Variants in GSE1 observed in about 807,000 individuals in gnomAD.
The protein encoded by GSE1 is genetic suppressor element 1.
A neutral mutation model predicts 112.6 loss-of-function variants in GSE1; 32 were observed. The observed-to-expected ratio is 0.28, with a 90% CI of 0.21 to 0.38. The LOEUF is 0.38. Ranked by LOEUF, GSE1 falls within the 10% of genes least tolerant of loss-of-function variation. The pLI, the probability that GSE1 is intolerant of heterozygous loss-of-function variation, is 1.00. For missense variants in GSE1, 2,348 were observed against 1,699.2 expected, an observed-to-expected ratio of 1.38 and a Z score of -6.71; for synonymous variants, 1,115 against 735.6, an observed-to-expected ratio of 1.52 and a Z score of -8.35.
At chr16:85,551,414 C>T (rs184401535), upstream of GSE1, among the ~76,000 whole-genome samples, 119 of 152,292 alleles carry the variant, frequency 7.8e-4, 1 homozygote, top group Non-Finnish European at 1.4e-3. Context: ...TGCAGCTCCC[C>T]TGGGAATGAA....
chr16:85,221,056 C>T (rs908760469), intron 1 of GSE1, among the ~76,000 whole-genome samples: 1 of 151,906 alleles, frequency 6.6e-6, no homozygotes, highest in Non-Finnish European at 1.5e-5. Context: ...CTCCGAGACC[C>T]TGCGGCTGGG....
At chr16:85,196,361 G>A (rs534297285) in intron 1 of GSE1, among the ~76,000 whole-genome samples, 5 of 152,280 alleles carry the variant, frequency 3.3e-5, no homozygotes, top group African/African-American at 1.2e-4. Context: ...AACTTGGAGG[G>A]GACCTGCATC....
intron 1 of GSE1, among the ~76,000 whole-genome samples, chr16:85,225,413 G>A (rs758121859): frequency 3.3e-5 from 5 of 152,212 alleles, no homozygotes; most frequent in Non-Finnish European, 7.3e-5. Flanking sequence ...GGAAGAGCAG[G>A]AGGCCAGCAG....
At chr16:85,575,061 G>A (rs963756751) in intron 1 of GSE1, among the ~76,000 whole-genome samples, 5 of 67,996 alleles carry the variant, frequency 7.4e-5, no homozygotes, top group Non-Finnish European at 1.1e-4. Context: ...CCCGCCCCCC[G>A]GCTTTTTACG....
At chr16:85,650,135 G>A (rs944800304) in intron 3 of GSE1, among the ~76,000 whole-genome samples, 1 of 152,188 alleles carries the variant, frequency 6.6e-6, no homozygotes, top group Non-Finnish European at 1.5e-5. Flanking sequence ...TCTGGAGACC[G>A]AGGGGCAGGG....
At chr16:85,260,879 C>A (rs1907615891) in intron 1 of GSE1, among the ~76,000 whole-genome samples, 1 of 152,264 alleles carries the variant, frequency 6.6e-6, no homozygotes, top group Non-Finnish European at 1.5e-5. Flanking sequence ...CCATGGGTGG[C>A]CTCTGTGCCA....
chr16:85,672,179 T>C, intron 15 of GSE1: 1 of 537,072 alleles, frequency 1.9e-6, no homozygotes, highest in Non-Finnish European at 3.5e-6. Context: ...TTTTGTTTAG[T>C]AGATGGGGTT....
At chr16:85,501,009 T>TTG (rs1555522882) in intron 2 of GSE1, among the ~76,000 whole-genome samples, 4 of 134,278 alleles carry the variant, frequency 3.0e-5, no homozygotes, top group African/African-American at 1.2e-4. Context: ...TTTTTTTTTT[T>TTG]TTTTTTTTTT....
upstream of GSE1, among the ~76,000 whole-genome samples, chr16:85,611,874 G>A (rs1007972806): frequency 1.3e-5 from 2 of 148,834 alleles, no homozygotes; most frequent in African/African-American, 4.9e-5. Context: ...GGGGAGGGAG[G>A]AAGGCGGGGG....
At chr16:85,505,931 C>T (rs184554215) in intron 2 of GSE1, among the ~76,000 whole-genome samples, 52 of 152,028 alleles carry the variant, frequency 3.4e-4, no homozygotes, top group African/African-American at 1.2e-3. Context: ...TGTGACTGCA[C>T]CACTGCATTC....
chr16:85,295,918 T>C (rs2045353720), intron 1 of GSE1, among the ~76,000 whole-genome samples: 3 of 152,096 alleles, frequency 2.0e-5, no homozygotes, highest in African/African-American at 4.8e-5. Context: ...CTTGGGACTT[T>C]AATGGTCCCT....
chr16:85,644,210 G>T (rs59457965), intron 2 of GSE1, among the ~76,000 whole-genome samples: 3 of 152,066 alleles, frequency 2.0e-5, no homozygotes, highest in Admixed American at 1.3e-4. Context: ...CTGGTGGCAC[G>T]TGCCTTTAGT....
At chr16:85,410,199 G>GGC (rs753649309) in intron 2 of GSE1, among the ~76,000 whole-genome samples, 184 of 6,138 alleles carry the variant, frequency 0.03, no homozygotes, top group South Asian at 0.043. Flanking sequence ...TTACACTCAG[G>GGC]CCCCCGGATA....
intron 1 of GSE1, among the ~76,000 whole-genome samples, chr16:85,177,879 C>G (rs1359235939): frequency 3.3e-5 from 5 of 152,148 alleles, no homozygotes; most frequent in East Asian, 3.9e-4. Context: ...GGGCCAGGGA[C>G]GAACTGCAGT....
intron 13 of GSE1, among the ~76,000 whole-genome samples, chr16:85,667,655 T>C (rs2151996648): frequency 6.6e-6 from 1 of 152,322 alleles, no homozygotes; most frequent in African/African-American, 2.4e-5. Context: ...GTCCGGAGTT[T>C]GAAACCAGCC....
intron 1 of GSE1, among the ~76,000 whole-genome samples, chr16:85,231,720 C>T (rs1904288700): frequency 6.6e-6 from 1 of 152,172 alleles, no homozygotes; most frequent in Non-Finnish European, 1.5e-5. Context: ...TCCTCTTGGT[C>T]AGCAACCTGT....
chr16:85,170,138 C>G, exon 1 of GSE1: 1 of 985,326 alleles, frequency 1.0e-6, no homozygotes, highest in Non-Finnish European at 1.2e-6. Flanking sequence ...GGGCCAGGGC[C>G]TCGCGGGGGG....
At chr16:85,175,646 A>T (rs1597719565) in intron 1 of GSE1, among the ~76,000 whole-genome samples, 1 of 152,028 alleles carries the variant, frequency 6.6e-6, no homozygotes. Flanking sequence ...TTCTGCTGGG[A>T]TGGGGAACGG....
intron 1 of GSE1, among the ~76,000 whole-genome samples, chr16:85,200,586 C>A (rs779209021): frequency 4.6e-5 from 7 of 152,040 alleles, no homozygotes; most frequent in Non-Finnish European, 8.8e-5. Context: ...CACCGGATGA[C>A]GTGTTTCAAG....
Sources: allele counts gnomAD v4.1 joint callset (sites outside exome capture counted in the v4.1 genomes callset), GRCh38; gene constraint gnomAD v4.1.1; transcripts MANE v1.5; gene names NCBI Gene and HGNC (gene_info 2026-07-23, HGNC 2026-07-21).